Variants in CACNA1E observed in about 807,000 individuals in gnomAD.
The protein encoded by CACNA1E is voltage-dependent R-type calcium channel subunit alpha-1E.
In CACNA1E, 40 loss-of-function variants were observed where a neutral mutation model predicts 259.2. The ratio of observed to expected loss-of-function variants is 0.15; its 90% CI spans 0.12 to 0.20. The LOEUF (loss-of-function observed/expected upper bound fraction) is 0.20, where lower values mean the gene tolerates loss of function less well. Among genes scored for constraint, CACNA1E ranks in the 10% least tolerant of loss-of-function variants. The pLI is 1.00. For missense variants in CACNA1E, 1,874 were observed against 3,040.1 expected, an observed-to-expected ratio of 0.62 and a Z score of 9.02; for synonymous variants, 1,104 against 1,138.5, an observed-to-expected ratio of 0.97 and a Z score of 0.61.
intron 3 of CACNA1E, among the ~76,000 whole-genome samples, chr1:181,514,296 C>T (rs73051960): frequency 0.028 from 4,209 of 152,228 alleles, 199 homozygotes; most frequent in African/African-American, 0.096. Flanking sequence ...CATAAAATTA[C>T]GGGGCATCTT....
chr1:181,742,496 C>T (rs181590709), intron 25 of CACNA1E, among the ~76,000 whole-genome samples: 4 of 152,272 alleles, frequency 2.6e-5, no homozygotes, highest in Admixed American at 6.5e-5. Flanking sequence ...GAAATTGAAC[C>T]ATGACTTAGT....
Position 181,733,423 on chromosome 1 carries a change from C to T in CACNA1E, c.2949-14C>T, listed in dbSNP as rs1288896174. The stretch of plus-strand genomic sequence containing the variant: ...GCGTCTGAGCACCAGCTCTCTCTTC[C>T]TCTCTCTTCACAGGACCAACAGTCT... On this transcript the variant is annotated splice_polypyrimidine_tract_variant and intron_variant, in intron 20 of 47. Transcript: ENST00000367573. The T allele has an allele frequency of 6.7e-7, 1 of 1,498,788 alleles. No homozygotes were observed. The highest frequency in any genetic ancestry group is 2.4e-5 in the East Asian group (1 of 41,868). The allele number at this position is 1,498,788 out of a possible 1,614,324, so 92.8% of individuals were successfully genotyped here.
intron 2 of CACNA1E, among the ~76,000 whole-genome samples, chr1:181,453,341 CA>C (rs1358099752): frequency 6.6e-6 from 1 of 152,210 alleles, no homozygotes; most frequent in African/African-American, 2.4e-5. Flanking sequence ...TCCTGACTCA[CA>C]AATTGTGAAA....
At chr1:181,783,652 G>A (rs1258161532) in intron 39 of CACNA1E, 27 bp from the exon 40 acceptor site, 3 of 1,199,962 alleles carry the variant, frequency 2.5e-6, no homozygotes, top group Admixed American at 2.2e-5. Flanking sequence ...TTTTTTGCCT[G>A]CTGTTTCTTT....
chr1:181,551,962 A>G (rs1648214815), intron 3 of CACNA1E, among the ~76,000 whole-genome samples: 1 of 151,996 alleles, frequency 6.6e-6, no homozygotes, highest in Admixed American at 6.6e-5. Flanking sequence ...CACTGACTCA[A>G]GTTATGCCAA....
chr1:181,772,358 C>A (rs1427947354), intron 37 of CACNA1E, 127 bp downstream of exon 37: 4 of 869,732 alleles, frequency 4.6e-6, no homozygotes, highest in Non-Finnish European at 7.3e-6. Flanking sequence ...TCTCTCCACA[C>A]CCCCACCATG....
intron 1 of CACNA1E, among the ~76,000 whole-genome samples, chr1:181,493,140 A>T (rs1664461738): frequency 6.6e-6 from 1 of 152,212 alleles, no homozygotes; most frequent in South Asian, 2.1e-4. Flanking sequence ...AAAAATACAC[A>T]TACAATTTTG....
Position 181,805,335 on chromosome 1 carries a change from A to T in CACNA1E, c.*6501A>T, listed in dbSNP as rs1041065406. 2 of 152,236 alleles carry T rather than the reference A, an allele frequency of 1.3e-5. No homozygotes were observed. Among genetic ancestry groups the T allele is most frequent in the Admixed American group, 6.5e-5 (1 of 15,286 alleles). The allele number at this position is 152,236 out of a possible 1,614,324, so 9.4% of individuals were successfully genotyped here. ...ATGGCAATGGCCTATATGGCACAAG[A>T]ACCACCACTTAAAGCAAATCTGTTG... On this transcript the variant is annotated 3_prime_UTR_variant, in exon 48 of 48. Coordinates refer to ENST00000367573, the MANE Select transcript of CACNA1E (RefSeq NM_001205293.3).
intron 1 of CACNA1E, among the ~76,000 whole-genome samples, chr1:181,405,715 G>T (rs1657416407): frequency 6.6e-6 from 1 of 152,114 alleles, no homozygotes; most frequent in South Asian, 2.1e-4. Flanking sequence ...CTACATTTCT[G>T]CTCTCCAGTG....
chr1:181,720,151 G>A (rs921007944), intron 13 of CACNA1E, 55 bp from the exon 14 acceptor site: 1 of 1,604,968 alleles, frequency 6.2e-7, no homozygotes, highest in African/African-American at 1.3e-5. Flanking sequence ...AGCTGGGCTT[G>A]GTGGGTGACT....
At chr1:181,716,201 G>A (rs1305729395) in intron 10 of CACNA1E, 72 bp downstream of exon 10, 2 of 969,706 alleles carry the variant, frequency 2.1e-6, no homozygotes, top group African/African-American at 3.3e-5. Context: ...CTTTTGAGAA[G>A]CACCACAAGG....
chr1:181,630,756 A>G (rs1413185638), intron 6 of CACNA1E, among the ~76,000 whole-genome samples: 1 of 152,184 alleles, frequency 6.6e-6, no homozygotes, highest in Non-Finnish European at 1.5e-5. Context: ...AAAGACATTT[A>G]GAGTGGGGGA....
chr1:181,752,486 G>T (rs781732598), intron 27 of CACNA1E, among the ~76,000 whole-genome samples: 1 of 152,220 alleles, frequency 6.6e-6, no homozygotes, highest in Admixed American at 6.5e-5. Context: ...TCTCCGGTGT[G>T]ATATGTCATC....
intron 1 of CACNA1E, among the ~76,000 whole-genome samples, chr1:181,406,691 A>C (rs546146763): frequency 6.6e-6 from 1 of 152,288 alleles, no homozygotes; most frequent in South Asian, 2.1e-4. Flanking sequence ...TATCTACTTA[A>C]TCTGTAAAAT....
intron 6 of CACNA1E, among the ~76,000 whole-genome samples, chr1:181,587,104 G>A (rs963418770): frequency 6.6e-6 from 1 of 152,284 alleles, no homozygotes; most frequent in East Asian, 1.9e-4. Flanking sequence ...ACAAGTGGCT[G>A]CAAAGGCTGG....
In CACNA1E at chr1:181,806,937, A is replaced by G. The variant is rs1345380667; in HGVS notation, c.*8103A>G. ...GGGTCTGCTCAGACCAGTCAGGAGG[A>G]ATTCAGGAGGCTTTCAAAGTCCCAA... is the stretch of plus-strand genomic sequence containing the variant. On this transcript the variant is annotated 3_prime_UTR_variant, in exon 48 of 48. Coordinates refer to ENST00000367573, the MANE Select transcript of CACNA1E (RefSeq NM_001205293.3). 4 of 152,012 alleles carry G rather than the reference A, an allele frequency of 2.6e-5. No homozygotes were observed. 9.4% of individuals were successfully genotyped at this position (152,012 alleles called of 1,614,324 possible).
chr1:181,346,875 G>A (rs1373161332), intron 1 of CACNA1E, among the ~76,000 whole-genome samples: 1 of 152,076 alleles, frequency 6.6e-6, no homozygotes, highest in African/African-American at 2.4e-5. Flanking sequence ...GGACCATAAG[G>A]AAGTCTCTCT....
intron 3 of CACNA1E, among the ~76,000 whole-genome samples, chr1:181,512,386 C>T (rs1381320143): frequency 1.3e-5 from 2 of 152,132 alleles, no homozygotes; most frequent in East Asian, 1.9e-4. Context: ...ATTCCCTTAC[C>T]CAACTGCTTG....
At chr1:181,348,595 A>G (rs1460220799) in intron 1 of CACNA1E, among the ~76,000 whole-genome samples, 3 of 151,668 alleles carry the variant, frequency 2.0e-5, no homozygotes, top group Admixed American at 1.3e-4. Context: ...TCAACTGTGT[A>G]TGTGTTGGGT....
Sources: allele counts gnomAD v4.1 joint callset (sites outside exome capture counted in the v4.1 genomes callset), GRCh38; gene constraint gnomAD v4.1.1; transcripts MANE v1.5; gene names NCBI Gene and HGNC (gene_info 2026-07-23, HGNC 2026-07-21).